Variants in ST8SIA1 observed in about 807,000 individuals in gnomAD.
The protein encoded by ST8SIA1 is alpha-N-acetylneuraminide alpha-2,8-sialyltransferase.
In ST8SIA1, 16 loss-of-function variants were observed where a neutral mutation model predicts 35.9. That is an observed-to-expected ratio of 0.45 (90% CI 0.30 to 0.68). ST8SIA1 has a LOEUF of 0.68. Among genes scored for constraint, ST8SIA1 ranks in the 30% least tolerant of loss-of-function variants. The pLI is 0.09. For missense variants in ST8SIA1, 383 were observed against 453.6 expected, an observed-to-expected ratio of 0.84 and a Z score of 1.41; for synonymous variants, 170 against 169.6, an observed-to-expected ratio of 1.00 and a Z score of -0.02.
Position 22,274,184 on chromosome 12 carries a change from A to G in ST8SIA1, c.381+12965T>C, listed in dbSNP as rs201599203. Among the ~76,000 whole-genome samples the G allele has an allele frequency of 3.5e-4, 54 of 152,362 alleles. No homozygotes were observed. The East Asian group carries it at 8.9e-3, about 25-fold the overall frequency. ...TTGTGGAAATTGATGCTGGAGCCAC[A>G]GGAAGAGATCAAGCCTTAAGGGGTT... is the stretch of plus-strand genomic sequence containing the variant. On this transcript the variant is annotated intron_variant, in intron 2 of 4. Coordinates refer to ENST00000396037, the MANE Select transcript of ST8SIA1 (RefSeq NM_003034.4).
chr12:22,330,433 T>C (rs1444311518), intron 1 of ST8SIA1, among the ~76,000 whole-genome samples: 2 of 152,190 alleles, frequency 1.3e-5, no homozygotes, highest in Non-Finnish European at 2.9e-5. Context: ...AGCTCTGAGA[T>C]TGGACTTACC....
At chr12:22,202,221 AC>A (rs1160627267) in intron 4 of ST8SIA1, among the ~76,000 whole-genome samples, 183 bp from the exon 5 acceptor site, 1 of 152,158 alleles carries the variant, frequency 6.6e-6, no homozygotes, top group Non-Finnish European at 1.5e-5. Flanking sequence ...AAATAGCCTG[AC>A]TTTTTCCCTG....
chr12:22,323,169 G>C (rs969643055), intron 1 of ST8SIA1, among the ~76,000 whole-genome samples: 1 of 152,012 alleles, frequency 6.6e-6, no homozygotes, highest in African/African-American at 2.4e-5. Context: ...CAAATGAAGG[G>C]TTTACCTGCC....
At chr12:22,217,981 A>G (rs1305891723) in intron 4 of ST8SIA1, among the ~76,000 whole-genome samples, 1 of 152,206 alleles carries the variant, frequency 6.6e-6, no homozygotes, top group Non-Finnish European at 1.5e-5. Flanking sequence ...TGTTTTGTGA[A>G]ATAAAATTTA....
At chr12:22,315,578 T>A (rs190108255) in intron 1 of ST8SIA1, among the ~76,000 whole-genome samples, 15 of 152,230 alleles carry the variant, frequency 9.9e-5, no homozygotes, top group African/African-American at 3.6e-4. Context: ...AGAAACCAGA[T>A]TCTTTTGATT....
At chr12:22,232,344 G>A (rs1865430001) in intron 4 of ST8SIA1, among the ~76,000 whole-genome samples, 2 of 152,236 alleles carry the variant, frequency 1.3e-5, no homozygotes, top group Non-Finnish European at 2.9e-5. Flanking sequence ...CGAAAGTAGA[G>A]CCACCGTAAT....
chr12:22,237,704 CATT>C (rs1053087759), intron 4 of ST8SIA1, among the ~76,000 whole-genome samples: 1 of 151,546 alleles, frequency 6.6e-6, no homozygotes, highest in African/African-American at 2.4e-5. Flanking sequence ...ATTTTATTCT[CATT>C]ATCCATTTAT....
chr12:22,287,504 A>C (rs2135816803), intron 1 of ST8SIA1, among the ~76,000 whole-genome samples: 1 of 150,262 alleles, frequency 6.7e-6, no homozygotes, highest in East Asian at 1.9e-4. Context: ...AAAAAAAAAA[A>C]AGTTTAAGAA....
intron 2 of ST8SIA1, among the ~76,000 whole-genome samples, chr12:22,278,465 A>C (rs1324442677): frequency 1.3e-5 from 2 of 152,200 alleles, no homozygotes; most frequent in African/African-American, 2.4e-5. Flanking sequence ...CAATCAGGAA[A>C]TTTATAAATT....
At chr12:22,224,802 G>C (rs1418048145) in intron 4 of ST8SIA1, among the ~76,000 whole-genome samples, 2 of 151,942 alleles carry the variant, frequency 1.3e-5, no homozygotes, top group South Asian at 2.1e-4. Context: ...TCTTTCTCTT[G>C]GGTCAAATCC....
intron 1 of ST8SIA1, among the ~76,000 whole-genome samples, chr12:22,328,731 C>G (rs1035684729): frequency 6.6e-6 from 1 of 152,148 alleles, no homozygotes; most frequent in Non-Finnish European, 1.5e-5. Flanking sequence ...GTAAGGGAAG[C>G]CACCTTGAGG....
chr12:22,251,550 T>G (rs1014366298), intron 3 of ST8SIA1, among the ~76,000 whole-genome samples: 1 of 152,328 alleles, frequency 6.6e-6, no homozygotes, highest in East Asian at 1.9e-4. Flanking sequence ...TTCCTGTATC[T>G]CTTCTCTCAG....
chr12:22,245,848 C>A (rs990770925), intron 4 of ST8SIA1, among the ~76,000 whole-genome samples: 1 of 152,110 alleles, frequency 6.6e-6, no homozygotes, highest in Non-Finnish European at 1.5e-5. Context: ...ATCAATCACG[C>A]CTGCTAATGA....
At chr12:22,281,558 C>T (rs900075470) in intron 2 of ST8SIA1, among the ~76,000 whole-genome samples, 3 of 152,158 alleles carry the variant, frequency 2.0e-5, no homozygotes, top group African/African-American at 7.2e-5. Context: ...TCTTATTTCT[C>T]CTTTCAACAG....
At chr12:22,217,007 G>A (rs1448986372) in intron 4 of ST8SIA1, among the ~76,000 whole-genome samples, 1 of 152,252 alleles carries the variant, frequency 6.6e-6, no homozygotes, top group South Asian at 2.1e-4. Flanking sequence ...GAACTGAATA[G>A]CACCCTTAAA....
intron 4 of ST8SIA1, among the ~76,000 whole-genome samples, chr12:22,238,881 T>G (rs1277961518): frequency 6.6e-6 from 1 of 152,218 alleles, no homozygotes; most frequent in African/African-American, 2.4e-5. Flanking sequence ...TGAGGTATAT[T>G]CTTCAGATTT....
chr12:22,248,768 T>G (rs1865632451), intron 4 of ST8SIA1: 1 of 439,644 alleles, frequency 2.3e-6, no homozygotes, highest in Admixed American at 4.0e-5. Flanking sequence ...CAATTGATCT[T>G]CTTGTTATTT....
At chr12:22,272,141 C>A (rs1200800560) in intron 2 of ST8SIA1, among the ~76,000 whole-genome samples, 1 of 152,156 alleles carries the variant, frequency 6.6e-6, no homozygotes. Flanking sequence ...AATGAAATTA[C>A]AAAATGCCTT....
intron 4 of ST8SIA1, among the ~76,000 whole-genome samples, chr12:22,217,535 C>T (rs549378383): frequency 1.2e-4 from 19 of 152,200 alleles, no homozygotes; most frequent in African/African-American, 4.1e-4. Context: ...CTGTATGTCC[C>T]GCCTTTTCCA....
Sources: allele counts gnomAD v4.1 joint callset (sites outside exome capture counted in the v4.1 genomes callset), GRCh38; gene constraint gnomAD v4.1.1; transcripts MANE v1.5; gene names NCBI Gene and HGNC (gene_info 2026-07-23, HGNC 2026-07-21).